Variants in KCTD8 observed in about 807,000 individuals in gnomAD.
KCTD8 encodes BTB/POZ domain-containing protein KCTD8.
KCTD8 carries 27 observed loss-of-function variants against 31.5 expected under a neutral mutation model. That is an observed-to-expected ratio of 0.86 (90% CI 0.63 to 1.18). The LOEUF (loss-of-function observed/expected upper bound fraction) is 1.18. KCTD8 is among the 50% of genes most tolerant of loss of function. KCTD8 has a pLI of 0.00. For missense variants in KCTD8, 658 were observed against 647.7 expected, an observed-to-expected ratio of 1.02 and a Z score of -0.17; for synonymous variants, 290 against 280.0, an observed-to-expected ratio of 1.04 and a Z score of -0.36.
chr4:44,205,002 T>C (rs1714260094), intron 1 of KCTD8, among the ~76,000 whole-genome samples: 1 of 152,108 alleles, frequency 6.6e-6, no homozygotes, highest in Admixed American at 6.6e-5. Flanking sequence ...CCTTTGAGTC[T>C]AGTGGACTTT....
At chr4:44,435,176 C>A (rs1721612464) in intron 1 of KCTD8, among the ~76,000 whole-genome samples, 1 of 151,942 alleles carries the variant, frequency 6.6e-6, no homozygotes, top group African/African-American at 2.4e-5. Context: ...TCATATAGTA[C>A]AATTCAACTG....
chr4:44,434,435 TAA>T (rs1443584155), intron 1 of KCTD8, among the ~76,000 whole-genome samples: 1 of 151,854 alleles, frequency 6.6e-6, no homozygotes, highest in Non-Finnish European at 1.5e-5. Flanking sequence ...ACAGAGTAAA[TAA>T]ATGACTTAGC....
At chr4:44,222,398 T>G (rs949566364) in intron 1 of KCTD8, among the ~76,000 whole-genome samples, 21 of 152,194 alleles carry the variant, frequency 1.4e-4, no homozygotes, top group African/African-American at 4.1e-4. Context: ...TTGTCTTTCA[T>G]TAACCCCAAC....
At chr4:44,423,883 G>A (rs1721282708) in intron 1 of KCTD8, among the ~76,000 whole-genome samples, 1 of 152,060 alleles carries the variant, frequency 6.6e-6, no homozygotes, top group Non-Finnish European at 1.5e-5. Context: ...CAAGACCTCT[G>A]AATTATTCAT....
chr4:44,382,366 C>G (rs1450561431), intron 1 of KCTD8, among the ~76,000 whole-genome samples: 1 of 151,956 alleles, frequency 6.6e-6, no homozygotes, highest in Non-Finnish European at 1.5e-5. Context: ...CAATAAAGGC[C>G]ATATATGACA....
intron 1 of KCTD8, among the ~76,000 whole-genome samples, chr4:44,374,950 G>C (rs1719882847): frequency 2.0e-5 from 3 of 152,218 alleles, no homozygotes; most frequent in Admixed American, 6.5e-5. Context: ...ATGATGCTAA[G>C]ATTGTTTGAT....
chr4:44,235,741 T>C (rs1715273530), intron 1 of KCTD8, among the ~76,000 whole-genome samples: 1 of 151,550 alleles, frequency 6.6e-6, no homozygotes, highest in Non-Finnish European at 1.5e-5. Flanking sequence ...TAATATCATA[T>C]ATCTCTCAAT....
chr4:44,303,222 T>C (rs1279568869), intron 1 of KCTD8, among the ~76,000 whole-genome samples: 1 of 152,162 alleles, frequency 6.6e-6, no homozygotes, highest in Non-Finnish European at 1.5e-5. Flanking sequence ...ATCAAGATGA[T>C]GCTGGCCTCA....
At chr4:44,305,126 C>T (rs1236641760) in intron 1 of KCTD8, among the ~76,000 whole-genome samples, 1 of 151,100 alleles carries the variant, frequency 6.6e-6, no homozygotes, top group Non-Finnish European at 1.5e-5. Flanking sequence ...GTTAAAATAA[C>T]TAGAATGAAA....
chr4:44,212,645 T>A (rs1714524079), intron 1 of KCTD8, among the ~76,000 whole-genome samples: 1 of 152,274 alleles, frequency 6.6e-6, no homozygotes, highest in African/African-American at 2.4e-5. Context: ...TAAAAAAAAA[T>A]TCCAGTGCTT....
At chr4:44,405,243 T>C (rs1052241021) in intron 1 of KCTD8, among the ~76,000 whole-genome samples, 42 of 146,400 alleles carry the variant, frequency 2.9e-4, no homozygotes, top group African/African-American at 9.4e-4. Flanking sequence ...CCAGGTGTTT[T>C]TGTTTGTTTG....
At chr4:44,367,938 T>C (rs766523567) in intron 1 of KCTD8, among the ~76,000 whole-genome samples, 2 of 152,174 alleles carry the variant, frequency 1.3e-5, no homozygotes, top group Non-Finnish European at 2.9e-5. Context: ...ATCTTTTGTT[T>C]GCTTTATCAA....
intron 1 of KCTD8, among the ~76,000 whole-genome samples, chr4:44,198,115 T>TA (rs1027251213): frequency 4.0e-5 from 6 of 151,458 alleles, no homozygotes; most frequent in Non-Finnish European, 8.8e-5. Context: ...AAAAATGAAT[T>TA]AAAAAAAATA....
At chr4:44,399,507 C>T (rs542624491) in intron 1 of KCTD8, among the ~76,000 whole-genome samples, 30 of 152,162 alleles carry the variant, frequency 2.0e-4, no homozygotes, top group South Asian at 1.5e-3. Context: ...CAGAGGTGGA[C>T]GAGTTATCCT....
At chr4:44,340,529 C>G (rs1395732106) in intron 1 of KCTD8, among the ~76,000 whole-genome samples, 2 of 110,348 alleles carry the variant, frequency 1.8e-5, no homozygotes, top group Non-Finnish European at 3.8e-5. Context: ...AGGATGGTCT[C>G]CATTTCCTGA....
chr4:44,351,714 A>T (rs1381668574), intron 1 of KCTD8, among the ~76,000 whole-genome samples: 2 of 152,120 alleles, frequency 1.3e-5, no homozygotes, highest in Non-Finnish European at 2.9e-5. Context: ...CATAGAGATC[A>T]TAAGATCCTT....
At chr4:44,374,553 G>A (rs866313777) in intron 1 of KCTD8, among the ~76,000 whole-genome samples, 1 of 152,146 alleles carries the variant, frequency 6.6e-6, no homozygotes, top group Non-Finnish European at 1.5e-5. Context: ...TGGTGCAAGA[G>A]ACATAGCTTT....
chr4:44,225,112 C>A (rs967854585), intron 1 of KCTD8, among the ~76,000 whole-genome samples: 1 of 152,210 alleles, frequency 6.6e-6, no homozygotes, highest in Non-Finnish European at 1.5e-5. Context: ...CTCTACCAAA[C>A]CTTTCATGGC....
chr4:44,201,997 C>T (rs916731529), intron 1 of KCTD8, among the ~76,000 whole-genome samples: 5 of 152,078 alleles, frequency 3.3e-5, no homozygotes, highest in Non-Finnish European at 7.4e-5. Context: ...TGAACACATA[C>T]TTCTGGAAAG....
Sources: gnomAD v4.1 joint callset for allele counts (sites outside exome capture counted in the v4.1 genomes callset) on GRCh38, gnomAD v4.1.1 for gene constraint, MANE v1.5 for transcripts, NCBI Gene and HGNC (gene_info 2026-07-23, HGNC 2026-07-21) for gene names.